The following MUC3A variants were observed in gnomAD, a reference collection of about 807,000 sequenced individuals.
The protein encoded by MUC3A is mucin-3A.
A neutral mutation model predicts 109.0 loss-of-function variants in MUC3A; 109 were observed. The observed-to-expected ratio is 1.00, with a 90% CI of 0.86 to 1.17. MUC3A has a LOEUF of 1.17. Ranked by LOEUF, MUC3A falls within the 50% of genes most tolerant of loss-of-function variation. The pLI, the probability that MUC3A is intolerant of heterozygous loss-of-function variation, is 0.00. For synonymous variants in MUC3A, 1,398 were observed against 981.4 expected (o/e 1.42, Z -7.93); for missense variants, 3,537 against 2,469.4 (o/e 1.43, Z -9.16).
chr7:100,962,796 T>TC (rs1584809497), intron 3 of MUC3A, among the ~76,000 whole-genome samples: 3,229 of 118,280 alleles, frequency 0.027, 106 homozygotes, highest in African/African-American at 0.089. Context: ...TCTTTCTTTC[T>TC]TTCTCTCTCT....
At chr7:100,963,798 A>G in intron 5 of MUC3A, 46 bp downstream of exon 5, 1 of 1,597,496 alleles carries the variant, frequency 6.3e-7, no homozygotes, top group Non-Finnish European at 8.5e-7. Flanking sequence ...GGGTGGGGGA[A>G]ATGTGCGCAC....
chr7:100,960,653 C>A lies in MUC3A; in HGVS notation c.8866+8C>A, dbSNP rs775990730. The A allele has an allele frequency of 6.3e-7, 1 of 1,596,102 alleles. No individual in the cohort carries two copies. On this transcript the variant is annotated splice_region_variant and intron_variant, in intron 2 of 11. Coordinates refer to ENST00000379458, the MANE Select transcript of MUC3A (RefSeq NM_005960.2). ...CGTTGACCACCACTGCAGGTTGGAC[C>A]TTCTGCCTCTCTGTTCCCCTCCTTC...
Position 100,960,928 on chromosome 7 carries a change from G to T in MUC3A, c.9043G>T (p.Val3015Leu). Residue 3015 changes from valine (V) to leucine (L), a missense_variant, in exon 3 of 12, where the codon GTG becomes TTG. Coordinates refer to ENST00000379458, the MANE Select transcript of MUC3A (RefSeq NM_005960.2). ...GSSCEFAVEQ[V>L]DLDVVETEVG... ...CAGTTGTGAGTTTGCTGTGGAACAGGTGGATCTAGGTGAGTTGCCAGAGCT... is the reference window on the plus strand; with the variant it reads ...CAGTTGTGAGTTTGCTGTGGAACAGTTGGATCTAGGTGAGTTGCCAGAGCT... 8 of 1,598,542 alleles carry T rather than the reference G, an allele frequency of 5.0e-6. No individual in the cohort carries two copies. The highest frequency in any genetic ancestry group is 6.8e-6 in the Non-Finnish European group (8 of 1,179,820).
chr7:100,960,249 A>T lies in MUC3A; in HGVS notation c.8470A>T (p.Thr2824Ser). 1 of 1,598,494 alleles carries T rather than the reference A, an allele frequency of 6.3e-7. No individual in the cohort carries two copies. The highest frequency in any genetic ancestry group is 8.5e-7 in the Non-Finnish European group (1 of 1,179,782). The change falls in exon 2 of 12, where the codon ACT (threonine) becomes TCT (serine). Residue 2824 changes from threonine to serine, a missense_variant. Coordinates refer to ENST00000379458, the MANE Select transcript of MUC3A (RefSeq NM_005960.2). ...TCCTACCTCCATCAGTATCCAAACT[A>T]CTCTTACTACATATATGGACACTTC... The part of the protein sequence containing the change: ...TCPTSISIQT[T>S]LTTYMDTSSM...
chr7:100,958,802 C>A lies in MUC3A; in HGVS notation c.7023C>A (p.Phe2341Leu), dbSNP rs36173989. Residue 2341 changes from phenylalanine (F) to leucine (L), a missense_variant, in exon 2 of 12, where the codon TTC (phenylalanine) becomes TTA (leucine). Physicochemically the swap from Phe to Leu is conservative, Grantham distance 22. Transcript: ENST00000379458. ...TETTSHNTRS[F>L]TSSITTTETN... Reference sequence around the variant, plus strand: ...CCACCTCACACAATACTCGCAGCTTCACTTCTTCGATCACCACCACCGAGA... The same window carrying A: ...CCACCTCACACAATACTCGCAGCTTAACTTCTTCGATCACCACCACCGAGA... The A allele has an allele frequency of 7.0e-7, 1 of 1,432,520 alleles. No homozygotes were observed. Among genetic ancestry groups the A allele is most frequent in the Non-Finnish European group, 9.2e-7 (1 of 1,082,576 alleles). The allele number at this position is 1,432,520 out of a possible 1,614,324, so 88.7% of individuals were successfully genotyped here.
rs1292025920 is a variant in MUC3A at position 100,952,311 on chromosome 7, A to G, written c.532A>G (p.Thr178Ala). ...TTVTSTYSMT[T>A]TEKGTSAMTS... ...CGTCACCAGTACTTACTCTATGACC[A>G]CTACTGAGAAAGGAACGTCAGCCAT... Residue 178 changes from threonine to alanine, a missense_variant, in exon 2 of 12, where the codon ACT becomes GCT. Coordinates refer to ENST00000379458, the MANE Select transcript of MUC3A (RefSeq NM_005960.2). 6.3e-7 allele frequency: 1 copy of G among 1,598,514 alleles called. No homozygotes were observed. Among genetic ancestry groups the G allele is most frequent in the Non-Finnish European group, 8.5e-7 (1 of 1,179,768 alleles).
Position 100,958,387 on chromosome 7 carries a change from C to A in MUC3A, c.6608C>A (p.Pro2203His). Residue 2203 changes from proline to histidine, a missense_variant, in exon 2 of 12, where the codon CCC (proline) becomes CAC (histidine). Coordinates refer to ENST00000379458, the MANE Select transcript of MUC3A (RefSeq NM_005960.2). ...ACTGAGACCACCTCACACAGTACTCCCAGCTACATTACCTCAATCACCACC... is the reference window on the plus strand; with the variant it reads ...ACTGAGACCACCTCACACAGTACTCACAGCTACATTACCTCAATCACCACC... The part of the protein sequence containing the change: ...TITETTSHST[P>H]SYITSITTTE... 1 of 1,138,916 alleles carries A rather than the reference C, an allele frequency of 8.8e-7. No homozygotes were observed. Among genetic ancestry groups the A allele is most frequent in the Non-Finnish European group, 1.2e-6 (1 of 827,574 alleles). The allele number at this position is 1,138,916 out of a possible 1,614,324, so 70.6% of individuals were successfully genotyped here.
chr7:100,958,690 C>T lies in MUC3A; in HGVS notation c.6911C>T (p.Thr2304Ile). The change falls in exon 2 of 12, where the codon ACT becomes ATT. Residue 2304 changes from threonine to isoleucine, a missense_variant. Thr to Ile is a moderately conservative substitution (Grantham distance 89). Coordinates refer to ENST00000379458, the MANE Select transcript of MUC3A (RefSeq NM_005960.2). ...ACCACCAAGACCACCTCACACAGTA[C>T]TCCCAGCTTCACTTCTTCGATCACC... ...ITTTKTTSHS[T>I]PSFTSSITTT... 6.3e-7 allele frequency: 1 copy of T among 1,590,700 alleles called. No homozygotes were observed. The highest frequency in any genetic ancestry group is 8.5e-7 in the Non-Finnish European group (1 of 1,174,806).
At chr7:100,966,355 G>T (rs2116228428) in intron 8 of MUC3A, 31 bp from the exon 9 acceptor site, 4 of 1,307,528 alleles carry the variant, frequency 3.1e-6, no homozygotes, top group Non-Finnish European at 3.9e-6. Flanking sequence ...GCCCGGAGGT[G>T]AAGAGGGTCT....
Position 100,957,741 on chromosome 7 carries a change from A to C in MUC3A, c.5962A>C (p.Ser1988Arg). 1.5e-6 allele frequency: 2 copies of C among 1,365,458 alleles called. No homozygotes were observed. Among genetic ancestry groups the C allele is most frequent in the Non-Finnish European group, 1.0e-6 (1 of 971,148 alleles). The allele number at this position is 1,365,458 out of a possible 1,614,324, so 84.6% of individuals were successfully genotyped here. ...CACCACCACCAAGACCACCTCACAC[A>C]GTACTCCCAGCTACACTTCTTTGAT... The part of the protein sequence containing the change: ...SITTTKTTSH[S>R]TPSYTSLITT... The change falls in exon 2 of 12, where the codon AGT (serine) becomes CGT (arginine). Residue 1988 changes from serine (S) to arginine (R), a missense_variant. Coordinates refer to ENST00000379458, the MANE Select transcript of MUC3A (RefSeq NM_005960.2).
At position 100,965,268 on chromosome 7, in the gene MUC3A, CTG is replaced by C. The variant is rs768801796; in HGVS notation, c.9383-10_9383-9del. 1.9e-6 allele frequency: 3 copies of C among 1,598,752 alleles called. No individual in the cohort carries two copies. The highest frequency in any genetic ancestry group is 2.5e-6 in the Non-Finnish European group (3 of 1,179,578). On this transcript the variant is annotated splice_polypyrimidine_tract_variant and intron_variant, in intron 6 of 11. Transcript: ENST00000379458. The stretch of plus-strand genomic sequence containing the variant: ...TCTGCCCCGCCCATTCCATCTGTGC[CTG>C]TGTTTCCGCAGCCCTGTGTTTTAAG...
chr7:100,960,367 G>T lies in MUC3A; in HGVS notation c.8588G>T (p.Ser2863Ile). ...GTVPTNTVFTSTRLPTSETWL... is the reference protein window; with the variant it reads ...GTVPTNTVFTITRLPTSETWL... Reference sequence around the variant, plus strand: ...GTACCCACAAACACAGTTTTCACAAGTACTCGACTGCCCACCAGTGAGACC... The same window carrying T: ...GTACCCACAAACACAGTTTTCACAATTACTCGACTGCCCACCAGTGAGACC... Residue 2863 changes from serine (S) to isoleucine (I), a missense_variant, in exon 2 of 12, where the codon AGT becomes ATT. Coordinates refer to ENST00000379458, the MANE Select transcript of MUC3A (RefSeq NM_005960.2). 1 of 1,598,532 alleles carries T rather than the reference G, an allele frequency of 6.3e-7. No homozygotes were observed. The highest frequency in any genetic ancestry group is 8.5e-7 in the Non-Finnish European group (1 of 1,179,822).
chr7:100,961,073 T>A (rs1792311354), intron 3 of MUC3A, 136 bp downstream of exon 3: 1 of 1,527,144 alleles, frequency 6.5e-7, no homozygotes, highest in Non-Finnish European at 8.7e-7. Context: ...ATCTCTCCCA[T>A]GCCCTCCGCT....
rs1563063438 is a variant in MUC3A, at chr7:100,956,167, C to A, written c.4388C>A (p.Ala1463Asp). ...ITRSTLTSET[A>D]YPSSPTSTVT... is the part of the protein sequence containing the mutation. ...AGGTCTACACTTACATCTGAGACCG[C>A]CTACCCTAGTTCTCCCACAAGCACT... Residue 1463 changes from alanine (A) to aspartate (D), a missense_variant, in exon 2 of 12, where the codon GCC becomes GAC. Physicochemically the swap from Ala to Asp is moderately radical, Grantham distance 126 (BLOSUM62 -2). Coordinates refer to ENST00000379458, the MANE Select transcript of MUC3A (RefSeq NM_005960.2). The A allele has an allele frequency of 2.3e-6, 1 of 443,826 alleles. No homozygotes were observed. The highest frequency in any genetic ancestry group is 3.5e-5 in the East Asian group (1 of 28,652). 27.5% of individuals were successfully genotyped at this position (443,826 alleles called of 1,614,324 possible).
chr7:100,959,495 T>G lies in MUC3A; in HGVS notation c.7716T>G (p.Val2572=), dbSNP rs1295476219. ...GTTCCTTTAGCACAAGTATTGTTGT[T>G]ATACCTGAAACCCCAACACAGACCC... is the stretch of plus-strand genomic sequence containing the variant. ...PISSFSTSIV[V]IPETPTQTPP... The change falls in exon 2 of 12, where the codon GTT becomes GTG. Residue 2572 remains valine, a synonymous_variant. Transcript: ENST00000379458. 5.7e-6 allele frequency: 9 copies of G among 1,586,396 alleles called. No individual in the cohort carries two copies. The East Asian group carries it at 1.6e-4, about 28-fold the overall frequency.
chr7:100,965,982 C>A (rs1466172225), intron 8 of MUC3A, 116 bp downstream of exon 8: 13 of 1,431,478 alleles, frequency 9.1e-6, no homozygotes, highest in Non-Finnish European at 9.2e-7. Flanking sequence ...GAGCCTCGTC[C>A]CCAGAGTGCC....
At position 100,955,544 on chromosome 7, in the gene MUC3A, C is replaced by T; in HGVS notation, c.3765C>T (p.Thr1255=). The change falls in exon 2 of 12, where the codon ACC becomes ACT. Residue 1255 remains threonine, a synonymous_variant. Transcript: ENST00000379458. ...NTETSSLVSM[T]SATTPSLRPT... ...AAACCTCATCCCTTGTCAGCATGAC[C>T]TCTGCCACCACTCCCAGTTTGAGAC... 3.9e-6 allele frequency: 2 copies of T among 514,806 alleles called. No individual in the cohort carries two copies. Among genetic ancestry groups the T allele is most frequent in the East Asian group, 3.2e-5 (1 of 31,282 alleles). The allele number at this position is 514,806 out of a possible 1,614,324, so 31.9% of individuals were successfully genotyped here.
chr7:100,955,626 AGT>A lies in MUC3A; in HGVS notation c.3848_3849del (p.Ser1283AsnfsTer36), dbSNP rs1792077505. 2.2e-3 allele frequency: 815 copies of A among 372,420 alleles called. No homozygotes were observed. The highest frequency in any genetic ancestry group is 8.0e-3 in the African/African-American group (279 of 34,928). 23.1% of individuals were successfully genotyped at this position (372,420 alleles called of 1,614,324 possible). Reference protein sequence around the residue: ...LTSSLLTTFPSTYSFSSSMSA... With the variant: ...LTSSLLTTFPXTYSFSSSMSA... The stretch of plus-strand genomic sequence containing the variant: ...AAGTTCCCTCCTGACGACCTTCCCA[AGT>A]ACATATTCATTTTCATCTTCCATGT... On this transcript the variant is annotated frameshift_variant, in exon 2 of 12. Coordinates refer to ENST00000379458, the MANE Select transcript of MUC3A (RefSeq NM_005960.2). LOFTEE classifies it high-confidence loss of function.
At position 100,957,134 on chromosome 7, in the gene MUC3A, A is replaced by G; in HGVS notation, c.5355A>G (p.Thr1785=). Residue 1785 remains threonine, a synonymous_variant, in exon 2 of 12, where the codon ACA becomes ACG. Transcript: ENST00000379458. ...CAACTACCACCCCTCTAGGGCCCACAGCCACTAATACGTTACCATCATTTA... is the reference window on the plus strand; with the variant it reads ...CAACTACCACCCCTCTAGGGCCCACGGCCACTAATACGTTACCATCATTTA... The part of the protein sequence containing the change: ...SMTTTTPLGP[T]ATNTLPSFTS... 1 of 458,474 alleles carries G rather than the reference A, an allele frequency of 2.2e-6. No homozygotes were observed. The allele number at this position is 458,474 out of a possible 1,614,324, so 28.4% of individuals were successfully genotyped here.
Sources: allele counts gnomAD v4.1 joint callset (sites outside exome capture counted in the v4.1 genomes callset), GRCh38; gene constraint gnomAD v4.1.1; transcripts MANE v1.5; gene names NCBI Gene and HGNC (gene_info 2026-07-23, HGNC 2026-07-21).